ZNF718: variants seen among roughly 807,000 people sequenced by gnomAD.
ZNF718 encodes the protein zinc finger protein 718.
A neutral mutation model predicts 2.6 loss-of-function variants in ZNF718; 3 were observed. The ratio of observed to expected loss-of-function variants is 1.16; its 90% CI spans 0.53 to 3.01. The LOEUF (loss-of-function observed/expected upper bound fraction) is 3.01, where lower values mean the gene tolerates loss of function less well. Among genes scored for constraint, ZNF718 ranks in the 30% most tolerant of loss-of-function variants. The pLI is 0.03. For missense variants in ZNF718, 468 were observed against 230.0 expected (o/e 2.03, Z -6.69); for synonymous variants, 135 against 77.9 (o/e 1.73, Z -3.86).
intron 3 of ZNF718, among the ~76,000 whole-genome samples, chr4:182,639 G>A (rs1553820006): frequency 6.6e-6 from 1 of 151,892 alleles, no homozygotes; most frequent in African/African-American, 2.4e-5. Context: ...TCACCATGTG[G>A]CCAGGCTGGT....
Position 131,728 on chromosome 4 carries a change from C to G in ZNF718, c.226+223C>G, listed in dbSNP as rs1715353240. Among the ~76,000 whole-genome samples, 2 of 102,508 alleles carry G rather than the reference C, an allele frequency of 2.0e-5. 1 individual carries two copies. 67.2% of individuals were successfully genotyped at this position (102,508 alleles called of 152,430 possible). ...TCTCTACTAAAAATACAAAAATTAGCCGGGTGTGGTGGCGGGCGCCTGTAA... is the reference window on the plus strand; with the variant it reads ...TCTCTACTAAAAATACAAAAATTAGGCGGGTGTGGTGGCGGGCGCCTGTAA... On this transcript the variant is annotated intron_variant, in intron 3 of 3. Coordinates refer to ENST00000510175, the MANE Select transcript of ZNF718 (RefSeq NM_001039127.6).
intron 3 of ZNF718, among the ~76,000 whole-genome samples, chr4:169,729 G>T (rs1388486063): frequency 2.0e-5 from 3 of 151,988 alleles, no homozygotes; most frequent in Non-Finnish European, 4.4e-5. Flanking sequence ...TTTATTTTGA[G>T]CGTATGTGTG....
intron 3 of ZNF718, among the ~76,000 whole-genome samples, chr4:178,375 A>G (rs1717390510): frequency 6.6e-6 from 1 of 151,994 alleles, no homozygotes. Flanking sequence ...CTGAGCTCAG[A>G]TAATTCTCTC....
At chr4:144,724 T>C (rs1296174373) in intron 3 of ZNF718, among the ~76,000 whole-genome samples, 1 of 152,194 alleles carries the variant, frequency 6.6e-6, no homozygotes, top group Non-Finnish European at 1.5e-5. Context: ...CTTTCACTTC[T>C]TTGGTTAAGT....
chr4:172,883 G>A (rs533270704), intron 3 of ZNF718, among the ~76,000 whole-genome samples: 7 of 151,834 alleles, frequency 4.6e-5, no homozygotes, highest in African/African-American at 7.3e-5. Context: ...GTGAAACTCC[G>A]TCTCTACTAA....
chr4:194,966 C>G (rs183550049), intron 3 of ZNF718, among the ~76,000 whole-genome samples: 298 of 152,256 alleles, frequency 2.0e-3, no homozygotes, highest in Middle Eastern at 3.4e-3. Flanking sequence ...GTTATGCTCA[C>G]CAATGTAGCA....
At chr4:142,164 CA>C (rs1553810369) in intron 3 of ZNF718, 6 of 389,266 alleles carry the variant, frequency 1.5e-5, no homozygotes, top group Middle Eastern at 4.0e-4. Context: ...TGAAGCTAAC[CA>C]GGGAGATTTC....
chr4:159,545 C>T (rs898844908), intron 3 of ZNF718, among the ~76,000 whole-genome samples: 44 of 152,200 alleles, frequency 2.9e-4, no homozygotes, highest in Admixed American at 2.4e-3. Flanking sequence ...ATGTGTGTAT[C>T]CTAGTTGAAG....
intron 3 of ZNF718, among the ~76,000 whole-genome samples, chr4:187,441 G>A (rs1717592574): frequency 6.6e-6 from 1 of 152,104 alleles, no homozygotes; most frequent in South Asian, 2.1e-4. Context: ...TGGCCAGACT[G>A]GTCTCGAACT....
intron 3 of ZNF718, among the ~76,000 whole-genome samples, chr4:189,066 T>A (rs1214988768): frequency 3.3e-5 from 5 of 150,632 alleles, no homozygotes; most frequent in African/African-American, 1.2e-4. Flanking sequence ...ATTATTTTTT[T>A]TTTTTTTTTT....
chr4:184,159 CTTA>C (rs1424557673), intron 3 of ZNF718, among the ~76,000 whole-genome samples: 1 of 151,964 alleles, frequency 6.6e-6, no homozygotes, highest in Non-Finnish European at 1.5e-5. Flanking sequence ...ATAGGTGCCT[CTTA>C]TTATTTTGAG....
chr4:135,194 A>G (rs1715503937), intron 3 of ZNF718, among the ~76,000 whole-genome samples: 1 of 149,206 alleles, frequency 6.7e-6, no homozygotes, highest in African/African-American at 2.5e-5. Flanking sequence ...GTGAGCTGAG[A>G]TTGCACCACT....
At chr4:172,882 C>T (rs568290341) in intron 3 of ZNF718, among the ~76,000 whole-genome samples, 6 of 151,886 alleles carry the variant, frequency 4.0e-5, no homozygotes, top group South Asian at 2.1e-4. Context: ...GGTGAAACTC[C>T]GTCTCTACTA....
chr4:153,187 C>G (rs1355597027), intron 3 of ZNF718, among the ~76,000 whole-genome samples: 1 of 151,966 alleles, frequency 6.6e-6, no homozygotes, highest in Non-Finnish European at 1.5e-5. Context: ...CTCTCTTTCT[C>G]CAATGTGTGT....
At chr4:158,831 A>G (rs912784320) in intron 3 of ZNF718, among the ~76,000 whole-genome samples, 14 of 149,964 alleles carry the variant, frequency 9.3e-5, no homozygotes, top group Middle Eastern at 3.2e-3. Flanking sequence ...TTATGTTTTC[A>G]TATGATTATG....
intron 1 of ZNF718, among the ~76,000 whole-genome samples, chr4:129,093 C>G (rs1284055328): frequency 1.9e-5 from 2 of 104,352 alleles, no homozygotes; most frequent in South Asian, 5.8e-4. Flanking sequence ...ACCATCTGAT[C>G]AGCTGTTCAT....
At chr4:197,778 G>C (rs1346176999) in intron 3 of ZNF718, among the ~76,000 whole-genome samples, 2 of 152,182 alleles carry the variant, frequency 1.3e-5, no homozygotes, top group Non-Finnish European at 1.5e-5. Context: ...AAGCACATGA[G>C]TAATATGTTG....
At chr4:181,435 A>T (rs1212349834) in intron 3 of ZNF718, among the ~76,000 whole-genome samples, 1 of 151,860 alleles carries the variant, frequency 6.6e-6, no homozygotes, top group Non-Finnish European at 1.5e-5. Flanking sequence ...AAAATTAGAG[A>T]TATAATCAAT....
intron 3 of ZNF718, among the ~76,000 whole-genome samples, chr4:186,209 T>C (rs550515661): frequency 6.6e-6 from 1 of 152,284 alleles, no homozygotes; most frequent in African/African-American, 2.4e-5. Context: ...TATTTGCTTG[T>C]CTGAAAAAAT....
Sources: gnomAD v4.1 joint callset for allele counts (sites outside exome capture counted in the v4.1 genomes callset) on GRCh38, gnomAD v4.1.1 for gene constraint, MANE v1.5 for transcripts, NCBI Gene and HGNC (gene_info 2026-07-23, HGNC 2026-07-21) for gene names.